The following MYCBP2 variants were observed in gnomAD, a reference collection of about 807,000 sequenced individuals.
The protein encoded by MYCBP2 is MYC binding protein 2.
MYCBP2 carries 120 observed loss-of-function variants against 525.3 expected under a neutral mutation model. The observed-to-expected ratio is 0.23, with a 90% CI of 0.20 to 0.27. MYCBP2 has a LOEUF of 0.27. Among genes scored for constraint, MYCBP2 ranks in the 10% least tolerant of loss-of-function variants. The pLI is 1.00. For missense variants in MYCBP2, 4,149 were observed against 5,657.1 expected, an observed-to-expected ratio of 0.73 and a Z score of 8.55; for synonymous variants, 1,894 against 1,955.8, an observed-to-expected ratio of 0.97 and a Z score of 0.83.
intron 14 of MYCBP2, among the ~76,000 whole-genome samples, chr13:77,251,937 C>T (rs1020035417): frequency 1.3e-5 from 2 of 152,114 alleles, no homozygotes; most frequent in African/African-American, 4.8e-5. Context: ...CATTCTTGCT[C>T]CCTCTGCCTC....
intron 54 of MYCBP2, among the ~76,000 whole-genome samples, chr13:77,124,559 T>A (rs17748954): frequency 0.024 from 3,728 of 152,302 alleles, 84 homozygotes; most frequent in Middle Eastern, 0.058. Flanking sequence ...AACTAGTATG[T>A]GTCAAAACTG....
At position 77,139,850 on chromosome 13, in the gene MYCBP2, AATTTTAGTCATTTTT is replaced by A. The variant is rs1197909436; in HGVS notation, c.7518+182_7518+196del. On this transcript the variant is annotated intron_variant, in intron 51 of 82. Transcript: ENST00000544440. ...ATTGTTCTTTTCATGTTCAAAATAT[AATTTTAGTCATTTTT>A]TAATGATAAAATAAATGAAATGTTT... Among the ~76,000 whole-genome samples, 3 of 152,218 alleles carry A rather than the reference AATTTTAGTCATTTTT, an allele frequency of 2.0e-5. No homozygotes were observed. In the East Asian group the frequency reaches 5.8e-4, roughly 29 times the overall value.
At chr13:77,219,220 G>A (rs1428476028) in intron 20 of MYCBP2, among the ~76,000 whole-genome samples, 1 of 152,098 alleles carries the variant, frequency 6.6e-6, no homozygotes, top group African/African-American at 2.4e-5. Context: ...AGAACTCAAG[G>A]AGACTCATTG....
intron 17 of MYCBP2, 42 bp from the exon 18 acceptor site, chr13:77,233,305 A>G: frequency 1.4e-6 from 2 of 1,408,286 alleles, no homozygotes; most frequent in Non-Finnish European, 2.0e-6. Flanking sequence ...AAACTCACAA[A>G]ATGAAAACAC....
chr13:77,090,816 C>T (rs570142971), intron 59 of MYCBP2, among the ~76,000 whole-genome samples: 11 of 152,222 alleles, frequency 7.2e-5, no homozygotes, highest in Non-Finnish European at 1.2e-4. Context: ...TGTATTTACA[C>T]TCTATAAAAG....
intron 5 of MYCBP2, among the ~76,000 whole-genome samples, chr13:77,271,605 T>C (rs984925217): frequency 1.3e-5 from 2 of 152,204 alleles, no homozygotes; most frequent in African/African-American, 2.4e-5. Flanking sequence ...GTTCTCATGA[T>C]AGCGAATAAG....
rs61753812 is a variant in MYCBP2, at chr13:77,098,116, G to C, written c.9038C>G (p.Ser3013Cys). 3 of 1,613,554 alleles carry C rather than the reference G, an allele frequency of 1.9e-6. No individual in the cohort carries two copies. The highest frequency in any genetic ancestry group is 2.5e-6 in the Non-Finnish European group (3 of 1,179,762). The change falls in exon 56 of 83, where the codon TCC (serine) becomes TGC (cysteine). Residue 3013 changes from serine to cysteine, a missense_variant. Ser to Cys is a moderately radical substitution (Grantham distance 112). This residue lies in a region of MYCBP2 where 653 missense variants were observed against 744.7 expected (regional missense o/e 0.88). Transcript: ENST00000544440. ...TTGCTTGGCTGGCTCTAAAGGCTTG[G>C]ATCCATCTCCTTTGAAAAGAAAACT... ...KSSFLFKGDGSKPLEPAKQAM... is the reference protein window; with the variant it reads ...KSSFLFKGDGCKPLEPAKQAM...
At chr13:77,104,381 CAGGAACAAAGTCCCTATTCTCA>C (rs1367504982) in intron 55 of MYCBP2, among the ~76,000 whole-genome samples, 1 of 151,986 alleles carries the variant, frequency 6.6e-6, no homozygotes, top group African/African-American at 2.4e-5. Flanking sequence ...CAGTGGTGAA[CAGGAACAAAGTCCCTATTCTCA>C]CAGAGTTTAT....
In MYCBP2 at chr13:77,174,259, T is replaced by C. The variant is rs1435802290; in HGVS notation, c.5651+52A>G. On this transcript the variant is annotated intron_variant, in intron 37 of 82. Transcript: ENST00000544440. The stretch of plus-strand genomic sequence containing the variant: ...AGCAATTTTACCTGGTAGTAGACTG[T>C]GTATGTTCTACCACTGTAAAGTATT... 5 of 1,572,224 alleles carry C rather than the reference T, an allele frequency of 3.2e-6. No homozygotes were observed. In the African/African-American group the frequency reaches 5.4e-5, roughly 17 times the overall value.
At chr13:77,104,519 C>T (rs1163758869) in intron 55 of MYCBP2, among the ~76,000 whole-genome samples, 3 of 152,026 alleles carry the variant, frequency 2.0e-5, no homozygotes, top group Non-Finnish European at 4.4e-5. Context: ...TCCATGACTG[C>T]AGAATACCAC....
At position 77,212,065 on chromosome 13, in the gene MYCBP2, A is replaced by G. The variant is rs1329547396; in HGVS notation, c.3153T>C (p.Ala1051=). ...GGTCCCCACTTGCACCTATCCAAGT[A>G]GCTTTTCTTCCATATTTTGATCCAA... ...PNIGSKYGRK[A]TWIGASGDQT... Residue 1051 remains alanine (A), a synonymous_variant, in exon 22 of 83, where the codon GCT becomes GCC. Coordinates refer to ENST00000544440, the MANE Select transcript of MYCBP2 (RefSeq NM_015057.5). The G allele has an allele frequency of 6.2e-7, 1 of 1,614,136 alleles. No individual in the cohort carries two copies. Among genetic ancestry groups the G allele is most frequent in the Non-Finnish European group, 8.5e-7 (1 of 1,179,980 alleles).
intron 39 of MYCBP2, among the ~76,000 whole-genome samples, chr13:77,168,857 A>G (rs1484793311): frequency 6.6e-6 from 1 of 152,188 alleles, no homozygotes. Context: ...ATTTTTAAAA[A>G]CTTGTTTTTT....
intron 55 of MYCBP2, among the ~76,000 whole-genome samples, chr13:77,120,531 TA>T (rs981414334): frequency 1.4e-4 from 21 of 152,222 alleles, no homozygotes; most frequent in Non-Finnish European, 2.6e-4. Context: ...TGAATTAATT[TA>T]AATAAAATTA....
Position 77,263,524 on chromosome 13 carries a change from T to G in MYCBP2, c.1570+127A>C. ...ATTAATTCAAAATTATCCTTTATAT[T>G]AATAGTAACAGACACAAAATAGCTG... On this transcript the variant is annotated intron_variant, in intron 10 of 82. Coordinates refer to ENST00000544440, the MANE Select transcript of MYCBP2 (RefSeq NM_015057.5). The G allele has an allele frequency of 5.9e-6, 4 of 673,070 alleles. No individual in the cohort carries two copies. In the East Asian group the frequency reaches 1.1e-4, roughly 19 times the overall value. The allele number at this position is 673,070 out of a possible 1,614,324, so 41.7% of individuals were successfully genotyped here.
chr13:77,299,444 G>T (rs563770918), intron 1 of MYCBP2, among the ~76,000 whole-genome samples: 57 of 152,064 alleles, frequency 3.7e-4, no homozygotes, highest in African/African-American at 1.2e-3. Context: ...TGTGTTTTTT[G>T]TTGTTGTTGT....
In MYCBP2 at chr13:77,326,562, C is replaced by T. The variant is rs1284783545; in HGVS notation, c.214G>A (p.Ala72Thr). The T allele has an allele frequency of 2.5e-6, 4 of 1,597,772 alleles. No homozygotes were observed. Among genetic ancestry groups the T allele is most frequent in the South Asian group, 1.1e-5 (1 of 90,326 alleles). Residue 72 changes from alanine (A) to threonine (T), a missense_variant, in exon 1 of 83, where the codon GCC (alanine) becomes ACC (threonine). By Grantham distance (58) the Ala-to-Thr change is moderately conservative. Transcript: ENST00000544440. This position sits in a 1 kb window ranked among gnomAD's most constrained non-coding sequence, Gnocchi z 4.2. ...GHYQLLLSGR[A>T]LADRYRRIYT... ...ATCCTCCGGTAGCGGTCGGCCAGGG[C>T]CCGGCCTGACAGCAGCAGCTGGTAG...
chr13:77,251,136 A>G lies in MYCBP2; in HGVS notation c.2381+15T>C. On this transcript the variant is annotated intron_variant, in intron 15 of 82. Coordinates refer to ENST00000544440, the MANE Select transcript of MYCBP2 (RefSeq NM_015057.5). ...GTTCTGCACATGTTCTTTAGTAGGA[A>G]TCATTGTCTCTTACCCTCCGGGGAC... 6.2e-7 allele frequency: 1 copy of G among 1,611,830 alleles called. No individual in the cohort carries two copies. Among genetic ancestry groups the G allele is most frequent in the Non-Finnish European group, 8.5e-7 (1 of 1,178,950 alleles).
At chr13:77,248,521 GA>G (rs2070485843) in intron 15 of MYCBP2, among the ~76,000 whole-genome samples, 1 of 152,094 alleles carries the variant, frequency 6.6e-6, no homozygotes, top group Admixed American at 6.5e-5. Flanking sequence ...GAAAGATGCT[GA>G]ACATCACTAA....
Position 77,166,249 on chromosome 13 carries a change from A to AT in MYCBP2, c.6340+79dup. 10 of 1,006,268 alleles carry AT rather than the reference A, an allele frequency of 9.9e-6. 1 individual carries two copies. In the South Asian group the frequency reaches 1.9e-4, roughly 19 times the overall value. The allele number at this position is 1,006,268 out of a possible 1,614,324, so 62.3% of individuals were successfully genotyped here. A position where few individuals can be genotyped will look rare whatever the true frequency, so the allele number is the denominator to read the frequency against. ...AAATTTCTCTAAAAATTAGATAAAC[A>AT]TTTTCAATGATACACCCTTACTAAA... On this transcript the variant is annotated intron_variant, in intron 41 of 82. Transcript: ENST00000544440.
Sources: gnomAD v4.1 joint callset for allele counts (sites outside exome capture counted in the v4.1 genomes callset) on GRCh38, gnomAD v4.1.1 for gene constraint, gnomAD v4.1.1 regional missense constraint, Gnocchi (gnomAD v3.1) non-coding constraint, MANE v1.5 for transcripts, NCBI Gene and HGNC (gene_info 2026-07-23, HGNC 2026-07-21) for gene names.